The following SVOPL variants were observed in gnomAD, a reference collection of about 807,000 sequenced individuals.
SVOPL encodes the protein SVOP like, also known as putative transporter SVOPL.
A neutral mutation model predicts 61.0 loss-of-function variants in SVOPL; 60 were observed. The observed-to-expected ratio is 0.98, with a 90% confidence interval of 0.80 to 1.22. The LOEUF (loss-of-function observed/expected upper bound fraction) is 1.22, where lower values mean the gene tolerates loss of function less well. Among genes scored for constraint, SVOPL ranks in the 50% most tolerant of loss-of-function variants. The probability of loss-of-function intolerance (pLI) is 0.00; values close to 1 mark genes in which losing one functional copy is unlikely to be tolerated. For missense variants in SVOPL, 662 were observed against 643.9 expected, an observed-to-expected ratio of 1.03 and a Z score of -0.30; for synonymous variants, 279 against 250.0, an observed-to-expected ratio of 1.12 and a Z score of -1.09.
At chr7:138,620,724 G>A (rs1799526162) in intron 14 of SVOPL, among the ~76,000 whole-genome samples, 1 of 152,102 alleles carries the variant, frequency 6.6e-6, no homozygotes, top group Admixed American at 6.5e-5. Context: ...TTCTAACTCA[G>A]GGTTAGTGCC....
chr7:138,616,172 G>A (rs1467375169), intron 14 of SVOPL, among the ~76,000 whole-genome samples: 3 of 152,112 alleles, frequency 2.0e-5, no homozygotes, highest in Non-Finnish European at 4.4e-5. Context: ...GTTTTTATAA[G>A]CCACCCAGAG....
chr7:138,662,246 T>C, intron 5 of SVOPL: 1 of 985,480 alleles, frequency 1.0e-6, no homozygotes, highest in Middle Eastern at 5.2e-4. Context: ...GCACTAGTCA[T>C]TTTACTTTTT....
chr7:138,604,581 G>A (rs1798668824), intron 14 of SVOPL, among the ~76,000 whole-genome samples: 1 of 151,014 alleles, frequency 6.6e-6, no homozygotes, highest in Admixed American at 6.6e-5. Context: ...GGGAGGCTGA[G>A]GCAGGAGAGT....
At chr7:138,683,927 C>T (rs1050821894) in intron 1 of SVOPL, among the ~76,000 whole-genome samples, 6 of 151,316 alleles carry the variant, frequency 4.0e-5, no homozygotes, top group African/African-American at 1.5e-4. Context: ...TGGTGTATGC[C>T]TGTAATCCCA....
At chr7:138,618,796 GGAAAA>G (rs2116859910) in intron 14 of SVOPL, among the ~76,000 whole-genome samples, 1 of 151,346 alleles carries the variant, frequency 6.6e-6, no homozygotes, top group Admixed American at 6.6e-5. Flanking sequence ...CAGAAAGATA[GGAAAA>G]GAAAACAAAA....
chr7:138,644,832 G>A lies in SVOPL; in HGVS notation c.674C>T (p.Ser225Phe). The A allele has an allele frequency of 1.2e-6, 2 of 1,614,198 alleles. No homozygotes were observed. Among genetic ancestry groups the A allele is most frequent in the South Asian group, 1.1e-5 (1 of 91,078 alleles). The change falls in exon 9 of 16, where the codon TCT (serine) becomes TTT (phenylalanine). Residue 225 changes from serine (S) to phenylalanine (F), a missense_variant. Physicochemically the swap from Ser to Phe is radical, Grantham distance 155. Transcript: ENST00000674285. Reference protein sequence around the residue: ...LIVAFKFIPESARFNVSTGNT... With the variant: ...LIVAFKFIPEFARFNVSTGNT... ...CCCAGTGGAGACATTGAACCGGGCA[G>A]ATTCAGGAATAAACTGGGTAGAGAT...
rs555900185 is a variant in SVOPL at position 138,611,128 on chromosome 7, G to A, written c.1353+9918C>T. On this transcript the variant is annotated intron_variant, in intron 14 of 15. Coordinates refer to ENST00000674285, the MANE Select transcript of SVOPL (RefSeq NM_001139456.2). ...ACAGTGGCTCACGCCTGTAATCCCA[G>A]CACTTTTCGGAAGCCAAGGTGGACA... is the stretch of plus-strand genomic sequence containing the variant. 5.3e-5 allele frequency among the ~76,000 whole-genome samples: 8 copies of A among 152,338 alleles called. No individual in the cohort carries two copies. In the South Asian group the frequency reaches 8.3e-4, roughly 16 times the overall value.
chr7:138,693,658 A>G (rs560776704), intron 1 of SVOPL, among the ~76,000 whole-genome samples: 1 of 148,834 alleles, frequency 6.7e-6, no homozygotes, highest in East Asian at 2.1e-4. Context: ...AAAAAGAAAG[A>G]GAGAGGGAGG....
At chr7:138,624,877 AT>A (rs552784855) in intron 13 of SVOPL, among the ~76,000 whole-genome samples, 136 of 151,796 alleles carry the variant, frequency 9.0e-4, no homozygotes, top group South Asian at 9.0e-3. Flanking sequence ...CTAATTTTTA[AT>A]TTTTGTGGAG....
At chr7:138,622,176 G>GTA (rs1563096476) in intron 13 of SVOPL, among the ~76,000 whole-genome samples, 1 of 54,120 alleles carries the variant, frequency 1.8e-5, no homozygotes, top group Non-Finnish European at 3.9e-5. Context: ...GTATCTATCT[G>GTA]TCTATGTATC....
chr7:138,615,170 C>T (rs1799234108), intron 14 of SVOPL, among the ~76,000 whole-genome samples: 1 of 152,034 alleles, frequency 6.6e-6, no homozygotes, highest in Non-Finnish European at 1.5e-5. Context: ...GTGGAATCCT[C>T]AATATGATGG....
chr7:138,630,194 G>T (rs765800413), intron 9 of SVOPL, 72 bp from the exon 10 acceptor site: 8 of 1,262,346 alleles, frequency 6.3e-6, no homozygotes, highest in South Asian at 1.2e-5. Context: ...CACTGTTTTC[G>T]ATCATAGAAG....
At chr7:138,637,028 CTCTT>C (rs1393281862) in intron 9 of SVOPL, among the ~76,000 whole-genome samples, 2 of 152,256 alleles carry the variant, frequency 1.3e-5, no homozygotes, top group East Asian at 3.9e-4. Flanking sequence ...TTGAAACATT[CTCTT>C]TATCATATAA....
chr7:138,643,780 G>A (rs1222773817), intron 9 of SVOPL, among the ~76,000 whole-genome samples: 2 of 152,040 alleles, frequency 1.3e-5, no homozygotes, highest in Non-Finnish European at 1.5e-5. Context: ...TTTGTTTAAT[G>A]AGTATAGAAT....
intron 3 of SVOPL, 54 bp from the exon 4 acceptor site, chr7:138,672,171 TTCTCA>T (rs2117109987): frequency 6.7e-7 from 1 of 1,485,574 alleles, no homozygotes; most frequent in East Asian, 2.5e-5. Context: ...TCATCACTTC[TTCTCA>T]TATCTGCCTG....
intron 1 of SVOPL, among the ~76,000 whole-genome samples, chr7:138,699,877 G>A (rs79567274): frequency 0.089 from 13,563 of 152,240 alleles, 709 homozygotes; most frequent in Middle Eastern, 0.16. Flanking sequence ...AATCAGGGCC[G>A]GGTGGGTCCC....
At chr7:138,609,546 C>G (rs1798901903) in intron 14 of SVOPL, among the ~76,000 whole-genome samples, 1 of 151,304 alleles carries the variant, frequency 6.6e-6, no homozygotes, top group African/African-American at 2.4e-5. Flanking sequence ...GCAGTCCCAG[C>G]TACTCAGGAG....
chr7:138,595,320 G>A (rs534464259), intron 15 of SVOPL, among the ~76,000 whole-genome samples: 80 of 151,702 alleles, frequency 5.3e-4, no homozygotes, highest in African/African-American at 1.9e-3. Flanking sequence ...CTGAAGTAGG[G>A]GGAGTGGGTG....
At chr7:138,631,137 TTTG>T (rs368812891) in intron 9 of SVOPL, among the ~76,000 whole-genome samples, 5 of 152,250 alleles carry the variant, frequency 3.3e-5, no homozygotes, top group East Asian at 1.9e-4. Flanking sequence ...TGTCCTAGAT[TTTG>T]TTGTCACAGA....
Sources: gnomAD v4.1 joint callset for allele counts (sites outside exome capture counted in the v4.1 genomes callset) on GRCh38, gnomAD v4.1.1 for gene constraint, MANE v1.5 for transcripts, NCBI Gene and HGNC (gene_info 2026-07-23, HGNC 2026-07-21) for gene names.